PIGG: variants seen among roughly 807,000 people sequenced by gnomAD.
PIGG encodes the protein GPI ethanolamine phosphate transferase 2, catalytic subunit.
Under a neutral mutation model 83.2 loss-of-function variants are expected in PIGG, and 70 were observed. That is an observed-to-expected ratio of 0.84 (90% CI 0.69 to 1.03). The LOEUF is 1.03. Among genes scored for constraint, PIGG ranks in the 50% least tolerant of loss-of-function variants. The pLI is 0.00. For synonymous variants in PIGG, 532 were observed against 519.5 expected, an observed-to-expected ratio of 1.02 and a Z score of -0.33; for missense variants, 1,257 against 1,233.6, an observed-to-expected ratio of 1.02 and a Z score of -0.28.
In PIGG at chr4:499,343, T is replaced by C. The variant is rs1553873943; in HGVS notation, c.8T>C (p.Leu3Pro). The C allele has an allele frequency of 1.2e-6, 2 of 1,608,268 alleles. No individual in the cohort carries two copies. Among genetic ancestry groups the C allele is most frequent in the Non-Finnish European group, 1.7e-6 (2 of 1,179,838 alleles). Residue 3 changes from leucine to proline, a missense_variant, in exon 1 of 13, where the codon CTG becomes CCG. Leu to Pro is a moderately conservative substitution (Grantham distance 98, BLOSUM62 -3). Transcript: ENST00000453061. MR[L>P]GSGTFATCCV... ...CAGCCTAGCGTGTCCACGATGCGGC[T>C]GGGCTCCGGGACTTTCGCTACCTGT...
At chr4:509,412 C>T (rs782220196) in intron 5 of PIGG, among the ~76,000 whole-genome samples, 3 of 152,150 alleles carry the variant, frequency 2.0e-5, no homozygotes. Context: ...TCAGACACGC[C>T]CCAAACACAC....
rs776967567 is a variant in PIGG at position 516,174 on chromosome 4, C to T, written c.1103C>T (p.Ser368Leu). 1 of 1,612,524 alleles carries T rather than the reference C, an allele frequency of 6.2e-7. No individual in the cohort carries two copies. Among genetic ancestry groups the T allele is most frequent in the Non-Finnish European group, 8.5e-7 (1 of 1,178,528 alleles). ...AAACTGTTGCAAGAGAATGTGCCGT[C>T]ATATGAAAAAGGTCAGTCAACTCAC... is the stretch of plus-strand genomic sequence containing the variant. ...LSKLLQENVPSYEKDPGFEQF... is the reference protein window; with the variant it reads ...LSKLLQENVPLYEKDPGFEQF... The change falls in exon 6 of 13, where the codon TCA (serine) becomes TTA (leucine). Residue 368 changes from serine to leucine, a missense_variant. Coordinates refer to ENST00000453061, the MANE Select transcript of PIGG (RefSeq NM_001127178.3).
At chr4:507,245 ATTTATTT>A (rs1720041267) in intron 3 of PIGG, among the ~76,000 whole-genome samples, 153 bp from the exon 4 acceptor site, 1 of 152,094 alleles carries the variant, frequency 6.6e-6, no homozygotes, top group African/African-American at 2.4e-5. Context: ...CAGCCTATTT[ATTTATTT>A]TTAATGACAT....
intron 12 of PIGG, chr4:537,087 C>T (rs535526406): frequency 3.3e-4 from 50 of 152,372 alleles, no homozygotes; most frequent in African/African-American, 1.2e-3. Context: ...AGTCAAGAAG[C>T]ATTTCTCCTT....
chr4:539,330 C>T lies in PIGG; in HGVS notation c.2913C>T (p.Phe971=). ...HLLITAAVCV[F]FTAMDQTRLT... ...TCATTACAGCTGCTGTCTGTGTATT[C>T]TTCACGGCAATGGATCAAACCAGAC... The change falls in exon 13 of 13, where the codon TTC becomes TTT. Residue 971 remains phenylalanine, a synonymous_variant. Transcript: ENST00000453061. 1.2e-6 allele frequency: 2 copies of T among 1,613,346 alleles called. No homozygotes were observed. The highest frequency in any genetic ancestry group is 1.7e-5 in the Admixed American group (1 of 59,968).
chr4:523,076 C>T (rs1227361741), intron 8 of PIGG, among the ~76,000 whole-genome samples: 2 of 152,250 alleles, frequency 1.3e-5, no homozygotes, highest in African/African-American at 2.4e-5. Context: ...AGCCTGGAAG[C>T]GGGAGCGTGG....
At position 507,528 on chromosome 4, in the gene PIGG, A is replaced by T; in HGVS notation, c.694A>T (p.Ile232Phe). Residue 232 changes from isoleucine to phenylalanine, a missense_variant, in exon 4 of 13, where the codon ATT becomes TTT. Physicochemically the swap from Ile to Phe is conservative, Grantham distance 21. Coordinates refer to ENST00000453061, the MANE Select transcript of PIGG (RefSeq NM_001127178.3). ...GHISGPNSPL[I>F]GQKLSEMDSV... Reference sequence around the variant, plus strand: ...CATTTCAGGGCCCAACAGCCCCCTGATTGGGCAGAAGCTGAGCGAGATGGA... The same window carrying T: ...CATTTCAGGGCCCAACAGCCCCCTGTTTGGGCAGAAGCTGAGCGAGATGGA... 1 of 1,614,216 alleles carries T rather than the reference A, an allele frequency of 6.2e-7. No individual in the cohort carries two copies. The highest frequency in any genetic ancestry group is 8.5e-7 in the Non-Finnish European group (1 of 1,180,014).
chr4:512,660 C>CA (rs1466362826), intron 5 of PIGG, among the ~76,000 whole-genome samples: 1 of 151,450 alleles, frequency 6.6e-6, no homozygotes, highest in Non-Finnish European at 1.5e-5. Flanking sequence ...ACTAAAAGTA[C>CA]AAAAATTAGC....
At chr4:506,898 G>C (rs191319935) in intron 3 of PIGG, 3 of 406,496 alleles carry the variant, frequency 7.4e-6, no homozygotes, top group East Asian at 1.5e-4. Flanking sequence ...ACTGCCCTTT[G>C]CCCTTAGTTA....
At chr4:516,265 G>A (rs908210287) in intron 6 of PIGG, 80 bp downstream of exon 6, 1 of 907,948 alleles carries the variant, frequency 1.1e-6, no homozygotes. Flanking sequence ...TGTTTCTGTG[G>A]TATGCAGTTT....
rs575175196 is a variant in PIGG at position 499,237 on chromosome 4, G to A, written c.-99G>A. On this transcript the variant is annotated 5_prime_UTR_variant, in exon 1 of 13. Coordinates refer to ENST00000453061, the MANE Select transcript of PIGG (RefSeq NM_001127178.3). Reference sequence around the variant, plus strand: ...TGTCGCTGCGACGATAAGGCCTGGCGTTATTGCTTAGAGGCGGCTACCTGG... The same window carrying A: ...TGTCGCTGCGACGATAAGGCCTGGCATTATTGCTTAGAGGCGGCTACCTGG... 107 of 1,337,408 alleles carry A rather than the reference G, an allele frequency of 8.0e-5. No homozygotes were observed. In the African/African-American group the frequency reaches 1.3e-3, roughly 17 times the overall value. 82.8% of individuals were successfully genotyped at this position (1,337,408 alleles called of 1,614,324 possible).
Position 515,842 on chromosome 4 carries a change from C to A in PIGG, c.902-131C>A. 1.4e-6 allele frequency: 1 copy of A among 715,502 alleles called. No homozygotes were observed. The highest frequency in any genetic ancestry group is 2.5e-6 in the Non-Finnish European group (1 of 407,942). The allele number at this position is 715,502 out of a possible 1,614,324, so 44.3% of individuals were successfully genotyped here. A position where few individuals can be genotyped will look rare whatever the true frequency, so the allele number is the denominator to read the frequency against. ...GCAAGCACAGGAGGTGATTCCTGTA[C>A]GATTCTGTGTTGAGTGGTGTGAAGA... On this transcript the variant is annotated intron_variant, in intron 5 of 12. Coordinates refer to ENST00000453061, the MANE Select transcript of PIGG (RefSeq NM_001127178.3). The surrounding 1 kb of genome is among the most constrained non-coding windows in gnomAD (Gnocchi z 4.2).
chr4:525,437 ACTC>A (rs1205568294), intron 9 of PIGG: 14 of 815,926 alleles, frequency 1.7e-5, no homozygotes, highest in Middle Eastern at 6.2e-4. Context: ...ACTGCAGAGA[ACTC>A]CTGTAAGAAA....
At chr4:527,567 T>G in intron 10 of PIGG, 2 of 1,036,456 alleles carry the variant, frequency 1.9e-6, no homozygotes, top group Non-Finnish European at 2.3e-6. Flanking sequence ...GTTTCTAAGT[T>G]AGTGGCAGCA....
rs145420533 is a variant in PIGG at position 505,750 on chromosome 4, C to G, written c.393C>G (p.Val131=). The G allele has an allele frequency of 2.5e-6, 4 of 1,613,220 alleles. No homozygotes were observed. In the South Asian group the frequency reaches 3.3e-5, roughly 13 times the overall value. ...ALMTGSLPGF[V]DVIRNLNSPA... is the part of the protein sequence containing the mutation. ...TGACGGGGAGCCTTCCTGGCTTTGT[C>G]GACGTCATCAGGAACCTCAATTCTC... The change falls in exon 3 of 13, where the codon GTC becomes GTG. Residue 131 remains valine (V), a synonymous_variant. Coordinates refer to ENST00000453061, the MANE Select transcript of PIGG (RefSeq NM_001127178.3).
chr4:512,573 T>C (rs1205402301), intron 5 of PIGG, among the ~76,000 whole-genome samples: 2 of 152,036 alleles, frequency 1.3e-5, no homozygotes, highest in Admixed American at 6.5e-5. Context: ...TCCCAGCACT[T>C]TGGGAGGCCA....
At chr4:510,251 TATCCCTTATGGGAAACGA>T (rs1553882628) in intron 5 of PIGG, among the ~76,000 whole-genome samples, 1 of 152,224 alleles carries the variant, frequency 6.6e-6, no homozygotes, top group African/African-American at 2.4e-5. Flanking sequence ...TAACTAAAAG[TATCCCTTATGGGAAACGA>T]AGGGATGGGC....
chr4:512,987 G>A (rs1722692947), intron 5 of PIGG, among the ~76,000 whole-genome samples: 1 of 152,178 alleles, frequency 6.6e-6, no homozygotes, highest in African/African-American at 2.4e-5. Flanking sequence ...GGGGGAAAGG[G>A]AGCTCTGTGT....
chr4:515,958 TTTTC>T lies in PIGG; in HGVS notation c.902-8_902-5del, dbSNP rs762801893. ...TTCTAGAAGTCTGTTACTTAAAATG[TTTTC>T]TTTCTTCTAGGTGATATCCGACATC... On this transcript the variant is annotated splice_polypyrimidine_tract_variant and intron_variant, in intron 5 of 12. Coordinates refer to ENST00000453061, the MANE Select transcript of PIGG (RefSeq NM_001127178.3). This position sits in a 1 kb window ranked among gnomAD's most constrained non-coding sequence, Gnocchi z 4.2. 25 of 1,604,340 alleles carry T rather than the reference TTTTC, an allele frequency of 1.6e-5. No individual in the cohort carries two copies. The highest frequency in any genetic ancestry group is 2.0e-5 in the Non-Finnish European group (24 of 1,171,264).
Sources: gnomAD v4.1 joint callset for allele counts (sites outside exome capture counted in the v4.1 genomes callset) on GRCh38, gnomAD v4.1.1 for gene constraint, Gnocchi (gnomAD v3.1) non-coding constraint, MANE v1.5 for transcripts, NCBI Gene and HGNC (gene_info 2026-07-23, HGNC 2026-07-21) for gene names.